Variants in NR3C2 observed in about 807,000 individuals in gnomAD.
NR3C2 encodes the protein nuclear receptor subfamily 3 group C member 2, also known as mineralocorticoid receptor.
Under a neutral mutation model 86.4 loss-of-function variants are expected in NR3C2, and 15 were observed. The observed-to-expected ratio is 0.17, with a 90% CI of 0.12 to 0.27. The LOEUF is 0.27. Ranked by LOEUF, NR3C2 falls within the 10% of genes least tolerant of loss-of-function variation. The pLI, the probability that NR3C2 is intolerant of heterozygous loss-of-function variation, is 1.00. For missense variants in NR3C2, 960 were observed against 1,195.6 expected (o/e 0.80, Z 2.91); for synonymous variants, 458 against 450.5 (o/e 1.02, Z -0.21).
intron 4 of NR3C2, among the ~76,000 whole-genome samples, chr4:148,160,354 C>A (rs1734600579): frequency 6.9e-6 from 1 of 144,384 alleles, no homozygotes; most frequent in Admixed American, 7.0e-5. Flanking sequence ...TTCACAAGAG[C>A]TTTGAAACAT....
At chr4:148,259,593 A>T (rs958187975) in intron 3 of NR3C2, among the ~76,000 whole-genome samples, 1 of 152,230 alleles carries the variant, frequency 6.6e-6, no homozygotes. Flanking sequence ...TTTGCCACAA[A>T]CACATATTTA....
chr4:148,394,046 C>T (rs1747730101), intron 2 of NR3C2, among the ~76,000 whole-genome samples: 1 of 152,190 alleles, frequency 6.6e-6, no homozygotes, highest in African/African-American at 2.4e-5. Context: ...AATACTCCTG[C>T]TGCCATTTCA....
intron 2 of NR3C2, among the ~76,000 whole-genome samples, chr4:148,386,816 G>A (rs1045389756): frequency 1.3e-5 from 2 of 152,112 alleles, no homozygotes; most frequent in African/African-American, 4.8e-5. Flanking sequence ...GTAGAGTTTT[G>A]TCTTGCTCTT....
intron 2 of NR3C2, among the ~76,000 whole-genome samples, chr4:148,411,880 C>T (rs1388719550): frequency 6.6e-6 from 1 of 152,198 alleles, no homozygotes; most frequent in Non-Finnish European, 1.5e-5. Flanking sequence ...GCCTCCTCTT[C>T]CTCTCCTTCC....
intron 6 of NR3C2, among the ~76,000 whole-genome samples, chr4:148,125,175 T>C (rs1732686392): frequency 6.6e-6 from 1 of 152,252 alleles, no homozygotes; most frequent in Non-Finnish European, 1.5e-5. Context: ...TCTGGAGCAG[T>C]TTTTATGCTA....
chr4:148,087,987 T>C (rs937431876), intron 8 of NR3C2, among the ~76,000 whole-genome samples: 1 of 151,940 alleles, frequency 6.6e-6, no homozygotes, highest in Admixed American at 6.6e-5. Flanking sequence ...AGGGCTAATA[T>C]CCAGAATCTA....
At chr4:148,431,273 C>A (rs1312098489) in intron 2 of NR3C2, among the ~76,000 whole-genome samples, 1 of 152,088 alleles carries the variant, frequency 6.6e-6, no homozygotes, top group Admixed American at 6.6e-5. Flanking sequence ...TGATATTTTT[C>A]TCCCCAGACT....
chr4:148,192,739 T>C (rs1209717764), intron 4 of NR3C2, among the ~76,000 whole-genome samples: 1 of 151,842 alleles, frequency 6.6e-6, no homozygotes, highest in Non-Finnish European at 1.5e-5. Context: ...TGCTGAGTCA[T>C]GCAGGTTTTC....
At chr4:148,296,082 A>C (rs935206437) in intron 2 of NR3C2, among the ~76,000 whole-genome samples, 4 of 146,302 alleles carry the variant, frequency 2.7e-5, no homozygotes, top group Non-Finnish European at 6.0e-5. Flanking sequence ...AATGTTCATC[A>C]AGACAGGGCT....
intron 2 of NR3C2, among the ~76,000 whole-genome samples, chr4:148,352,859 C>T (rs1212283974): frequency 1.3e-5 from 2 of 151,986 alleles, no homozygotes; most frequent in Non-Finnish European, 2.9e-5. Context: ...AATAAAGATT[C>T]TTATGTAATG....
intron 2 of NR3C2, among the ~76,000 whole-genome samples, chr4:148,358,635 T>TA (rs56746692): frequency 2.7e-5 from 4 of 150,704 alleles, no homozygotes; most frequent in African/African-American, 9.8e-5. Flanking sequence ...AAATAAAAAA[T>TA]AAAAAAAAAA....
intron 3 of NR3C2, among the ~76,000 whole-genome samples, chr4:148,199,055 TA>T (rs1736583101): frequency 7.9e-6 from 1 of 126,002 alleles, no homozygotes; most frequent in Admixed American, 1.0e-4. Context: ...CACTCCAGCC[TA>T]GGCGACAGAG....
At chr4:148,262,620 TGTAA>T (rs1412308709) in intron 2 of NR3C2, among the ~76,000 whole-genome samples, 3 of 152,188 alleles carry the variant, frequency 2.0e-5, no homozygotes, top group Non-Finnish European at 4.4e-5. Flanking sequence ...CTTAGTACCT[TGTAA>T]TGTGACATTA....
chr4:148,361,177 T>C (rs1461621723), intron 2 of NR3C2, among the ~76,000 whole-genome samples: 1 of 152,140 alleles, frequency 6.6e-6, no homozygotes, highest in African/African-American at 2.4e-5. Flanking sequence ...TTTTTAAAAA[T>C]GCAAAGATTA....
At chr4:148,269,446 A>G (rs2149882651) in intron 2 of NR3C2, among the ~76,000 whole-genome samples, 1 of 152,340 alleles carries the variant, frequency 6.6e-6, no homozygotes, top group South Asian at 2.1e-4. Context: ...CATCTTTTCT[A>G]TTAAGGATTT....
chr4:148,335,787 A>T (rs890335147), intron 2 of NR3C2, among the ~76,000 whole-genome samples: 7 of 152,216 alleles, frequency 4.6e-5, no homozygotes, highest in Middle Eastern at 3.4e-3. Context: ...GTAACCTATA[A>T]CGCTACTTCT....
intron 2 of NR3C2, among the ~76,000 whole-genome samples, chr4:148,374,188 G>A (rs1033326203): frequency 6.6e-6 from 1 of 152,090 alleles, no homozygotes; most frequent in Non-Finnish European, 1.5e-5. Context: ...AAATCAGTGG[G>A]AACTAAGGAT....
intron 3 of NR3C2, among the ~76,000 whole-genome samples, chr4:148,205,061 T>G (rs2149811867): frequency 6.6e-6 from 1 of 152,326 alleles, no homozygotes; most frequent in African/African-American, 2.4e-5. Flanking sequence ...TTCAAACTAT[T>G]TGTTAAGATT....
At chr4:148,315,907 T>G (rs1184499367) in intron 2 of NR3C2, among the ~76,000 whole-genome samples, 1 of 152,208 alleles carries the variant, frequency 6.6e-6, no homozygotes, top group Non-Finnish European at 1.5e-5. Flanking sequence ...TTTTGTGATA[T>G]ATACTTCCAA....
Sources: allele counts gnomAD v4.1 joint callset (sites outside exome capture counted in the v4.1 genomes callset), GRCh38; gene constraint gnomAD v4.1.1; transcripts MANE v1.5; gene names NCBI Gene and HGNC (gene_info 2026-07-23, HGNC 2026-07-21).